The following LARGE1 variants were observed in gnomAD, a reference collection of about 807,000 sequenced individuals.
The protein encoded by LARGE1 is LARGE xylosyl- and glucuronyltransferase 1, also known as xylosyl- and glucuronyltransferase LARGE1.
In LARGE1, 43 loss-of-function variants were observed where a neutral mutation model predicts 87.6. The observed-to-expected ratio is 0.49, with a 90% CI of 0.38 to 0.63. LARGE1 has a LOEUF of 0.63. Ranked by LOEUF, LARGE1 falls within the 30% of genes least tolerant of loss-of-function variation. The probability of loss-of-function intolerance (pLI) is 0.00; values close to 1 mark genes in which losing one functional copy is unlikely to be tolerated. For synonymous variants in LARGE1, 434 were observed against 394.6 expected (o/e 1.10, Z -1.18); for missense variants, 802 against 1,000.2 (o/e 0.80, Z 2.67).
At chr22:33,084,013 C>T in the LARGE1 span, among the ~76,000 whole-genome samples, 1 of 152,314 alleles carries the variant, frequency 6.6e-6, no homozygotes, top group East Asian at 1.9e-4. Flanking sequence ...TTACACTTTA[C>T]ACCCCAGTAA....
At chr22:33,865,829 A>ATTTTT (rs2064079507) in intron 1 of LARGE1, among the ~76,000 whole-genome samples, 4 of 32,982 alleles carry the variant, frequency 1.2e-4, no homozygotes, top group African/African-American at 3.4e-4. Flanking sequence ...GTTAGCTGTT[A>ATTTTT]TTCTTTTTTT....
chr22:33,288,358 C>T (rs919258845), intron 12 of LARGE1, among the ~76,000 whole-genome samples: 8 of 152,186 alleles, frequency 5.3e-5, no homozygotes, highest in African/African-American at 1.4e-4. Flanking sequence ...ACACAGAAAT[C>T]CTGCCTCAGT....
chr22:33,566,558 G>A (rs552654378), intron 5 of LARGE1, among the ~76,000 whole-genome samples: 9 of 152,300 alleles, frequency 5.9e-5, no homozygotes, highest in East Asian at 3.9e-4. Context: ...TAAAGGTGGC[G>A]CAGACCCAAA....
At chr22:33,349,860 G>C (rs1940189826) in intron 9 of LARGE1, among the ~76,000 whole-genome samples, 1 of 152,036 alleles carries the variant, frequency 6.6e-6, no homozygotes, top group African/African-American at 2.4e-5. Context: ...AAAAAGAAAA[G>C]AAAAATTTCT....
chr22:33,650,483 GGTTGCCTC>G lies in LARGE1; in HGVS notation c.284_291del (p.Arg95ProfsTer67), dbSNP rs1486052403. On this transcript the variant is annotated frameshift_variant, in exon 3 of 15. Coordinates refer to ENST00000397394, the MANE Select transcript of LARGE1 (RefSeq NM_133642.5). LOFTEE classifies it high-confidence loss of function. ...TCCTCCATGGAGTAGGTCTTGGAGT[GGTTGCCTC>G]GGCGATGGGATGGGGCTCGGCCCTG... is the stretch of plus-strand genomic sequence containing the variant. 6.2e-7 allele frequency: 1 copy of G among 1,613,884 alleles called. No homozygotes were observed. The highest frequency in any genetic ancestry group is 1.1e-5 in the South Asian group (1 of 91,082).
At chr22:33,534,443 C>T (rs890931945) in intron 6 of LARGE1, among the ~76,000 whole-genome samples, 1 of 151,654 alleles carries the variant, frequency 6.6e-6, no homozygotes, top group Non-Finnish European at 1.5e-5. Context: ...GATGAAGTCA[C>T]TCACTGACTT....
At chr22:33,853,673 GC>G (rs970076782) in intron 1 of LARGE1, among the ~76,000 whole-genome samples, 27 of 152,172 alleles carry the variant, frequency 1.8e-4, no homozygotes, top group African/African-American at 5.8e-4. Flanking sequence ...GCCGAAGATA[GC>G]AAGGATACAA....
At position 33,843,661 on chromosome 22, in the gene LARGE1, C is replaced by T. The variant is rs1344561720; in HGVS notation, c.-83+76334G>A. 2.6e-5 allele frequency among the ~76,000 whole-genome samples: 4 copies of T among 151,832 alleles called. No homozygotes were observed. The South Asian group carries it at 6.3e-4, about 24-fold the overall frequency. ...TACCCACAACCTGGCCAAACCTCTA[C>T]TCAAATGTTACTGATGAAAACAAGT... On this transcript the variant is annotated intron_variant, in intron 1 of 14. Coordinates refer to ENST00000397394, the MANE Select transcript of LARGE1 (RefSeq NM_133642.5).
At chr22:33,632,956 C>T (rs2080155396) in intron 3 of LARGE1, among the ~76,000 whole-genome samples, 1 of 152,174 alleles carries the variant, frequency 6.6e-6, no homozygotes, top group African/African-American at 2.4e-5. Flanking sequence ...GTACCCAGCA[C>T]ACTTTGAATC....
intron 2 of LARGE1, among the ~76,000 whole-genome samples, chr22:33,740,684 C>T (rs2083847253): frequency 6.6e-6 from 1 of 152,144 alleles, no homozygotes; most frequent in Non-Finnish European, 1.5e-5. Flanking sequence ...AGCTGGCCAC[C>T]TAGGGGAAAC....
chr22:33,311,876 T>C (rs1422309071), intron 11 of LARGE1, among the ~76,000 whole-genome samples: 3 of 152,276 alleles, frequency 2.0e-5, no homozygotes, highest in African/African-American at 7.2e-5. Context: ...CCTTCTTTTA[T>C]AGAAGGAGGA....
At chr22:33,432,360 C>A in intron 6 of LARGE1, 95 bp from the exon 7 acceptor site, 1 of 887,228 alleles carries the variant, frequency 1.1e-6, no homozygotes, top group Non-Finnish European at 1.9e-6. Flanking sequence ...CAAATCATCA[C>A]AACAACAGTA....
At chr22:33,120,795 G>A in the LARGE1 span, among the ~76,000 whole-genome samples, 2 of 151,942 alleles carry the variant, frequency 1.3e-5, no homozygotes, top group Non-Finnish European at 2.9e-5. Context: ...GGGCTTACAG[G>A]CTTGATCCAC....
At chr22:33,836,211 C>G (rs1480857127) in intron 1 of LARGE1, among the ~76,000 whole-genome samples, 1 of 148,098 alleles carries the variant, frequency 6.8e-6, no homozygotes, top group African/African-American at 2.4e-5. Flanking sequence ...TAAATTCTGG[C>G]TCTGGCCCCC....
At chr22:33,859,089 A>G (rs1278911244) in intron 1 of LARGE1, among the ~76,000 whole-genome samples, 1 of 152,222 alleles carries the variant, frequency 6.6e-6, no homozygotes, top group East Asian at 1.9e-4. Flanking sequence ...TACCTAATGT[A>G]GATGACGGGT....
chr22:33,199,322 T>C (rs59845765), intron 11 of LARGE1, among the ~76,000 whole-genome samples: 5,394 of 152,184 alleles, frequency 0.035, 322 homozygotes, highest in African/African-American at 0.12. Flanking sequence ...GTTTACTTTG[T>C]TGATTGTTTA....
At chr22:33,912,993 G>T (rs955651129) in intron 1 of LARGE1, among the ~76,000 whole-genome samples, 4 of 152,088 alleles carry the variant, frequency 2.6e-5, no homozygotes, top group African/African-American at 9.7e-5. Flanking sequence ...ACCACGCCCG[G>T]CTAATTTTTG....
At chr22:33,283,488 A>G in intron 12 of LARGE1, 140 bp from the exon 13 acceptor site, 1 of 923,244 alleles carries the variant, frequency 1.1e-6, no homozygotes, top group Non-Finnish European at 1.7e-6. Flanking sequence ...AAAGATGGGG[A>G]AACTGGGCCA....
intron 10 of LARGE1, among the ~76,000 whole-genome samples, chr22:33,331,659 C>T (rs559687364): frequency 7.2e-5 from 11 of 152,240 alleles, no homozygotes; most frequent in African/African-American, 1.7e-4. Flanking sequence ...CTGCCCGCCT[C>T]GGCCTCCCAA....
Sources: allele counts gnomAD v4.1 joint callset (sites outside exome capture counted in the v4.1 genomes callset), GRCh38; gene constraint gnomAD v4.1.1; transcripts MANE v1.5; gene names NCBI Gene and HGNC (gene_info 2026-07-23, HGNC 2026-07-21).